The following ACAP2 variants were observed in gnomAD, a reference collection of about 807,000 sequenced individuals.
ACAP2 encodes the protein ArfGAP with coiled-coil, ankyrin repeat and PH domains 2, also known as arf-GAP with coiled-coil, ANK repeat and PH domain-containing protein 2.
ACAP2 carries 39 observed loss-of-function variants against 115.8 expected under a neutral mutation model. That is an observed-to-expected ratio of 0.34 (90% CI 0.26 to 0.44). ACAP2 has a LOEUF of 0.44. Among genes scored for constraint, ACAP2 ranks in the 20% least tolerant of loss-of-function variants. The pLI is 1.00. For missense variants in ACAP2, 662 were observed against 927.6 expected (o/e 0.71, Z 3.72); for synonymous variants, 289 against 315.8 (o/e 0.92, Z 0.90).
chr3:195,352,497 C>G (rs60584652), intron 4 of ACAP2, among the ~76,000 whole-genome samples: 3,506 of 152,260 alleles, frequency 0.023, 136 homozygotes, highest in African/African-American at 0.079. Flanking sequence ...ATAACACTAT[C>G]TTACAAACTA....
intron 6 of ACAP2, among the ~76,000 whole-genome samples, chr3:195,338,686 CT>C (rs1730673193): frequency 6.6e-6 from 1 of 152,036 alleles, no homozygotes; most frequent in Non-Finnish European, 1.5e-5. Context: ...AAAGATTTGC[CT>C]TTTAGAGGAT....
intron 16 of ACAP2, 111 bp downstream of exon 16, chr3:195,297,079 G>C: frequency 1.2e-6 from 1 of 854,812 alleles, no homozygotes; most frequent in South Asian, 1.6e-5. Flanking sequence ...GAACAGAAGT[G>C]GTAATGACTG....
intron 20 of ACAP2, among the ~76,000 whole-genome samples, chr3:195,290,856 TA>T (rs1434238057): frequency 1.9e-4 from 28 of 146,944 alleles, no homozygotes; most frequent in Admixed American, 9.5e-4. Context: ...AAATAATAAA[TA>T]AATAAATAAA....
intron 2 of ACAP2, among the ~76,000 whole-genome samples, chr3:195,387,115 G>C (rs1734358197): frequency 6.6e-6 from 1 of 152,192 alleles, no homozygotes; most frequent in Non-Finnish European, 1.5e-5. Context: ...TGGCAATGAA[G>C]AGGGAGGGAG....
intron 1 of ACAP2, among the ~76,000 whole-genome samples, chr3:195,432,470 G>C (rs1372515337): frequency 2.0e-5 from 3 of 152,138 alleles, no homozygotes; most frequent in Admixed American, 2.0e-4. Flanking sequence ...GAATTGTCTG[G>C]GTACCTCTGT....
chr3:195,371,467 G>C (rs1041539108), intron 4 of ACAP2, among the ~76,000 whole-genome samples: 5 of 152,124 alleles, frequency 3.3e-5, no homozygotes, highest in South Asian at 2.1e-4. Context: ...GAGACTATAG[G>C]GTTTTCTAGA....
intron 7 of ACAP2, chr3:195,336,690 TA>T (rs1730529456): frequency 2.4e-6 from 1 of 416,686 alleles, no homozygotes; most frequent in Non-Finnish European, 4.2e-6. Context: ...AACAAAAACA[TA>T]ACAGTATAGA....
chr3:195,380,174 G>C (rs116803601), intron 4 of ACAP2, among the ~76,000 whole-genome samples: 1 of 151,918 alleles, frequency 6.6e-6, no homozygotes, highest in Non-Finnish European at 1.5e-5. Flanking sequence ...AGGCACTCAA[G>C]CAGATACTTG....
chr3:195,411,321 T>G (rs960085601), intron 1 of ACAP2, among the ~76,000 whole-genome samples: 4 of 152,222 alleles, frequency 2.6e-5, no homozygotes, highest in African/African-American at 9.7e-5. Flanking sequence ...CGAAGAAATA[T>G]TTGTATACCC....
intron 1 of ACAP2, among the ~76,000 whole-genome samples, chr3:195,394,577 A>G (rs533133104): frequency 1.1e-4 from 16 of 152,362 alleles, no homozygotes; most frequent in Non-Finnish European, 2.2e-4. Flanking sequence ...GCACTTCGGG[A>G]AGCCGAGCTG....
chr3:195,294,558 G>C (rs1370365804), intron 18 of ACAP2, among the ~76,000 whole-genome samples, 161 bp downstream of exon 18: 1 of 130,490 alleles, frequency 7.7e-6, no homozygotes, highest in Admixed American at 8.8e-5. Flanking sequence ...AGCCTGGGCA[G>C]TAAGAGTGAA....
chr3:195,350,817 G>T (rs185437663), intron 4 of ACAP2, among the ~76,000 whole-genome samples: 17 of 151,864 alleles, frequency 1.1e-4, no homozygotes, highest in Admixed American at 5.2e-4. Flanking sequence ...AATAATAATA[G>T]AGAGGAAAAA....
intron 20 of ACAP2, among the ~76,000 whole-genome samples, chr3:195,289,608 G>A (rs537480884): frequency 2.0e-5 from 3 of 151,658 alleles, no homozygotes; most frequent in South Asian, 4.2e-4. Flanking sequence ...AGACCATCCT[G>A]GCTAACAAGG....
rs184136099 is a variant in ACAP2 at position 195,275,177 on chromosome 3, G to A, written c.*4151C>T. On this transcript the variant is annotated 3_prime_UTR_variant, in exon 23 of 23. Coordinates refer to ENST00000326793, the MANE Select transcript of ACAP2 (RefSeq NM_012287.6). ...GTTTAATATCCAAAAAATGGAGGGTGGGGAGGTTGAAGAAAAATAAGAAAA... is the reference window on the plus strand; with the variant it reads ...GTTTAATATCCAAAAAATGGAGGGTAGGGAGGTTGAAGAAAAATAAGAAAA... The A allele has an allele frequency of 9.1e-4, 139 of 152,688 alleles. No homozygotes were observed. Among genetic ancestry groups the A allele is most frequent in the African/African-American group, 3.0e-3 (126 of 41,568 alleles). 9.5% of individuals were successfully genotyped at this position (152,688 alleles called of 1,614,324 possible).
At chr3:195,308,706 T>C in intron 11 of ACAP2, 80 bp downstream of exon 11, 1 of 1,119,988 alleles carries the variant, frequency 8.9e-7, no homozygotes, top group Non-Finnish European at 1.3e-6. Context: ...CAAATGAGTA[T>C]GTATAGACTT....
chr3:195,376,226 T>C (rs1485010276), intron 4 of ACAP2, among the ~76,000 whole-genome samples: 1 of 152,064 alleles, frequency 6.6e-6, no homozygotes, highest in African/African-American at 2.4e-5. Flanking sequence ...AAACCCCATC[T>C]CTACTGAAAA....
intron 1 of ACAP2, among the ~76,000 whole-genome samples, chr3:195,392,907 T>C (rs1201253836): frequency 1.3e-5 from 2 of 152,250 alleles, no homozygotes; most frequent in Non-Finnish European, 2.9e-5. Flanking sequence ...AAGTCATTTA[T>C]GCCATTTTCA....
intron 5 of ACAP2, among the ~76,000 whole-genome samples, chr3:195,343,515 T>C (rs553917283): frequency 2.1e-4 from 32 of 152,310 alleles, no homozygotes; most frequent in African/African-American, 7.7e-4. Flanking sequence ...AGCCTTAAAG[T>C]CCTGGGCTCA....
rs961099233 is a variant in ACAP2, at chr3:195,278,451, T to C, written c.*877A>G. On this transcript the variant is annotated 3_prime_UTR_variant, in exon 23 of 23. Transcript: ENST00000326793. ...ATTTCAAATATAAAAATGGCCTACA[T>C]GATTTTATAAATTGATTTTTCCTTT... The C allele has an allele frequency of 2.6e-5, 4 of 152,200 alleles. No homozygotes were observed. The highest frequency in any genetic ancestry group is 1.3e-4 in the Admixed American group (2 of 15,278). 9.4% of individuals were successfully genotyped at this position (152,200 alleles called of 1,614,324 possible).
Sources: gnomAD v4.1 joint callset for allele counts (sites outside exome capture counted in the v4.1 genomes callset) on GRCh38, gnomAD v4.1.1 for gene constraint, MANE v1.5 for transcripts, NCBI Gene and HGNC (gene_info 2026-07-23, HGNC 2026-07-21) for gene names.